Variants in ZNF44 observed in about 807,000 individuals in gnomAD.
ZNF44 encodes the protein gonadotropin inducible transcription repressor-2.
ZNF44 carries 9 observed loss-of-function variants against 11.7 expected under a neutral mutation model. That is an observed-to-expected ratio of 0.77 (90% CI 0.46 to 1.35). ZNF44 has a LOEUF of 1.35. Ranked by LOEUF, ZNF44 falls within the 40% of genes most tolerant of loss-of-function variation. The pLI, the probability that ZNF44 is intolerant of heterozygous loss-of-function variation, is 0.00. For synonymous variants in ZNF44, 224 were observed against 242.7 expected (o/e 0.92, Z 0.72); for missense variants, 696 against 743.1 (o/e 0.94, Z 0.74).
chr19:12,272,743 A>G lies in ZNF44; in HGVS notation c.1512T>C (p.Tyr504=), dbSNP rs61737484. The G allele has an allele frequency of 2.5e-4, 396 of 1,613,584 alleles. 1 individual carries two copies. The African/African-American group carries it at 4.7e-3, about 19-fold the overall frequency. The change falls in exon 4 of 4, where the codon TAT becomes TAC. Residue 504 remains tyrosine, a synonymous_variant. Coordinates refer to ENST00000355684, the MANE Select transcript of ZNF44 (RefSeq NM_016264.4). ...HERTHSEEKS[Y]ECQICGKAFS... is the part of the protein sequence containing the mutation. ...AGGCTTTGCCACAAATTTGACACTC[A>G]TAAGATTTTTCTTCACTGTGAGTCC...
At chr19:12,276,598 T>C (rs1967230866) in intron 1 of ZNF44, among the ~76,000 whole-genome samples, 1 of 152,170 alleles carries the variant, frequency 6.6e-6, no homozygotes, top group Admixed American at 6.5e-5. Flanking sequence ...AACTCCTAAC[T>C]TCCCTCTGAG....
chr19:12,238,348 C>T (rs1414835900), upstream of ZNF44, among the ~76,000 whole-genome samples: 1 of 151,926 alleles, frequency 6.6e-6, no homozygotes, highest in Non-Finnish European at 1.5e-5. Flanking sequence ...AAAACTAGGC[C>T]AGGCGCGGTA....
intron 5 of ZNF44, chr19:12,260,663 GTAAACCCAGGACCACTT>G (rs1917473084): frequency 1.7e-6 from 1 of 593,626 alleles, no homozygotes; most frequent in Non-Finnish European, 3.0e-6. Flanking sequence ...TGCCCAGGAT[GTAAACCCAGGACCACTT>G]TAAGGAAGGC....
In ZNF44 at chr19:12,294,872, C is replaced by A; in HGVS notation, c.-178G>T. On this transcript the variant is annotated 5_prime_UTR_variant, in exon 1 of 4. Transcript: ENST00000355684. ...ACGTCACACCCTCCTCTCTGCCTCG[C>A]GCCTGATTGACAATTCTCAGGAACC... is the stretch of plus-strand genomic sequence containing the variant. The A allele has an allele frequency of 1.5e-6, 1 of 684,108 alleles. No individual in the cohort carries two copies. The highest frequency in any genetic ancestry group is 2.3e-6 in the Non-Finnish European group (1 of 436,486). The allele number at this position is 684,108 out of a possible 1,614,324, so 42.4% of individuals were successfully genotyped here.
chr19:12,283,832 G>C (rs1032769739), intron 1 of ZNF44, among the ~76,000 whole-genome samples: 2 of 152,130 alleles, frequency 1.3e-5, no homozygotes, highest in Non-Finnish European at 2.9e-5. Flanking sequence ...CCGGCAACAT[G>C]GCAGACCCTC....
intron 2 of ZNF44, among the ~76,000 whole-genome samples, chr19:12,231,698 G>C (rs548539718): frequency 6.6e-6 from 1 of 152,292 alleles, no homozygotes; most frequent in South Asian, 2.1e-4. Context: ...AACACTGTTA[G>C]GAGGAGTCCA....
At chr19:12,268,396 A>G (rs1337236587), downstream of ZNF44, among the ~76,000 whole-genome samples, 5 of 152,290 alleles carry the variant, frequency 3.3e-5, 1 homozygote, top group African/African-American at 9.6e-5. Context: ...TCAACAGACC[A>G]TAAATGAAGA....
In ZNF44 at chr19:12,276,277, A is replaced by G. The variant is rs1967216316; in HGVS notation, c.4-195T>C. Reference sequence around the variant, plus strand: ...TGATGCTGGAATTGGGCTTGCTAAAATAACAGTTGAGTAGGAACATATCTC... The same window carrying G: ...TGATGCTGGAATTGGGCTTGCTAAAGTAACAGTTGAGTAGGAACATATCTC... On this transcript the variant is annotated intron_variant, in intron 1 of 3. Coordinates refer to ENST00000355684, the MANE Select transcript of ZNF44 (RefSeq NM_016264.4). 51 of 783,902 alleles carry G rather than the reference A, an allele frequency of 6.5e-5. 1 individual carries two copies. The South Asian group carries it at 6.8e-4, about 10-fold the overall frequency. The allele number at this position is 783,902 out of a possible 1,614,324, so 48.6% of individuals were successfully genotyped here.
rs781779431 is a variant in ZNF44, at chr19:12,274,084, A to G, written c.192-21T>C. 9 of 1,564,710 alleles carry G rather than the reference A, an allele frequency of 5.8e-6. No homozygotes were observed. The African/African-American group carries it at 8.2e-5, about 14-fold the overall frequency. ...CACACCTGTAAAAAATGAAAAGTAC[A>G]TTACTAAAGGTTTATTATTGAATTT... On this transcript the variant is annotated intron_variant, in intron 3 of 3. Transcript: ENST00000355684.
At chr19:12,250,702 T>A in intron 5 of ZNF44, 1 of 447,722 alleles carries the variant, frequency 2.2e-6, no homozygotes, top group South Asian at 1.6e-5. Flanking sequence ...TTCTTATACA[T>A]CACATCACTC....
intron 1 of ZNF44, among the ~76,000 whole-genome samples, chr19:12,282,276 C>G (rs1967503178): frequency 6.6e-6 from 1 of 152,114 alleles, no homozygotes; most frequent in Admixed American, 6.6e-5. Flanking sequence ...TAGACTCTTT[C>G]TCTACACACA....
At chr19:12,264,628 C>G (rs1917655096) in intron 5 of ZNF44, among the ~76,000 whole-genome samples, 1 of 152,130 alleles carries the variant, frequency 6.6e-6, no homozygotes, top group South Asian at 2.1e-4. Context: ...ACTAGTCAAA[C>G]TATTAATCAT....
chr19:12,262,665 C>T (rs974248017), intron 5 of ZNF44, among the ~76,000 whole-genome samples: 2 of 152,068 alleles, frequency 1.3e-5, no homozygotes, highest in African/African-American at 2.4e-5. Context: ...AAAATGTACC[C>T]GAGAACTTCA....
chr19:12,270,713 A>T (rs1424278827), downstream of ZNF44, among the ~76,000 whole-genome samples: 1 of 152,136 alleles, frequency 6.6e-6, no homozygotes, highest in African/African-American at 2.4e-5. Flanking sequence ...TCAGCCTCCT[A>T]AAGTGCTAGG....
chr19:12,245,594 G>A (rs1916747897), downstream of ZNF44, among the ~76,000 whole-genome samples: 1 of 152,130 alleles, frequency 6.6e-6, no homozygotes, highest in African/African-American at 2.4e-5. Flanking sequence ...CTGTCACAGG[G>A]AAATCAGGAA....
At chr19:12,282,620 G>A (rs1459560964) in intron 1 of ZNF44, among the ~76,000 whole-genome samples, 5 of 151,912 alleles carry the variant, frequency 3.3e-5, no homozygotes, top group Admixed American at 1.3e-4. Flanking sequence ...ACAGGATTTC[G>A]CCATGTTGGT....
Position 12,272,270 on chromosome 19 carries a change from T to A in ZNF44, c.*137A>T. On this transcript the variant is annotated 3_prime_UTR_variant, in exon 4 of 4. Coordinates refer to ENST00000355684, the MANE Select transcript of ZNF44 (RefSeq NM_016264.4). The stretch of plus-strand genomic sequence containing the variant: ...TGCCCTCCTCGGCCTCTCAAAGTGC[T>A]GGGATTACAGGTGTGAGCCGCTGCG... 7.6e-7 allele frequency: 1 copy of A among 1,322,112 alleles called. No individual in the cohort carries two copies. The highest frequency in any genetic ancestry group is 9.6e-7 in the Non-Finnish European group (1 of 1,038,838). 81.9% of individuals were successfully genotyped at this position (1,322,112 alleles called of 1,614,324 possible). A position where few individuals can be genotyped will look rare whatever the true frequency, so the allele number is the denominator to read the frequency against.
intron 3 of ZNF44, among the ~76,000 whole-genome samples, chr19:12,227,176 T>C (rs1047226099): frequency 2.0e-5 from 3 of 152,244 alleles, no homozygotes; most frequent in African/African-American, 7.2e-5. Context: ...TGAACGTTTT[T>C]CCTCTATTGT....
chr19:12,225,502 A>C (rs1007179866), downstream of ZNF44, among the ~76,000 whole-genome samples: 1 of 152,090 alleles, frequency 6.6e-6, no homozygotes, highest in African/African-American at 2.4e-5. Context: ...TTCCTTTCCT[A>C]ATAAGAGGCA....
Sources: allele counts gnomAD v4.1 joint callset (sites outside exome capture counted in the v4.1 genomes callset), GRCh38; gene constraint gnomAD v4.1.1; transcripts MANE v1.5; gene names NCBI Gene and HGNC (gene_info 2026-07-23, HGNC 2026-07-21).